The following ZMIZ1 variants were observed in gnomAD, a reference collection of about 807,000 sequenced individuals.
The protein encoded by ZMIZ1 is zinc finger MIZ domain-containing protein 1.
In ZMIZ1, 17 loss-of-function variants were observed where a neutral mutation model predicts 113.9. The ratio of observed to expected loss-of-function variants is 0.15; its 90% CI spans 0.10 to 0.22. The LOEUF is 0.22. Among genes scored for constraint, ZMIZ1 ranks in the 10% least tolerant of loss-of-function variants. The probability of loss-of-function intolerance (pLI) is 1.00; values close to 1 mark genes in which losing one functional copy is unlikely to be tolerated. For synonymous variants in ZMIZ1, 607 were observed against 603.1 expected (o/e 1.01, Z -0.09); for missense variants, 1,059 against 1,477.8 (o/e 0.72, Z 4.65).
chr10:79,312,588 G>A (rs1005248716), intron 24 of ZMIZ1, 54 bp from the exon 25 acceptor site: 13 of 1,597,072 alleles, frequency 8.1e-6, no homozygotes, highest in Admixed American at 6.7e-5. Context: ...TCCTCACCCG[G>A]GGCCTGCCTC....
chr10:79,280,050 G>T (rs551206346), intron 8 of ZMIZ1, among the ~76,000 whole-genome samples: 1 of 151,034 alleles, frequency 6.6e-6, no homozygotes, highest in African/African-American at 2.4e-5. Context: ...GTACAGTGGC[G>T]CAATCTCGGC....
chr10:79,220,227 C>T (rs983901178), intron 7 of ZMIZ1, among the ~76,000 whole-genome samples: 1 of 152,172 alleles, frequency 6.6e-6, no homozygotes, highest in Non-Finnish European at 1.5e-5. Context: ...GAAAGGGGCC[C>T]AGCTAATACC....
intron 3 of ZMIZ1, among the ~76,000 whole-genome samples, chr10:79,154,065 G>A (rs552195209): frequency 6.6e-6 from 1 of 152,350 alleles, no homozygotes; most frequent in East Asian, 1.9e-4. Context: ...CCAATCATGG[G>A]TATGATGTCA....
chr10:79,176,919 G>A (rs1288126847), intron 4 of ZMIZ1, among the ~76,000 whole-genome samples: 2 of 152,258 alleles, frequency 1.3e-5, no homozygotes, highest in Non-Finnish European at 2.9e-5. Context: ...AGGGATTGGA[G>A]TTTGTGGCAA....
intron 2 of ZMIZ1, among the ~76,000 whole-genome samples, chr10:79,134,617 C>G (rs562537772): frequency 1.3e-5 from 2 of 152,246 alleles, no homozygotes; most frequent in Non-Finnish European, 2.9e-5. Context: ...TTCTCCCAAC[C>G]TGGATTGAGA....
chr10:79,085,037 T>C (rs564968808), intron 1 of ZMIZ1, among the ~76,000 whole-genome samples: 1 of 152,248 alleles, frequency 6.6e-6, no homozygotes, highest in African/African-American at 2.4e-5. Context: ...CGCTGCCCGC[T>C]CCGCATTCTG....
intron 3 of ZMIZ1, among the ~76,000 whole-genome samples, chr10:79,161,302 T>C (rs568528364): frequency 6.6e-6 from 1 of 152,286 alleles, no homozygotes; most frequent in South Asian, 2.1e-4. Flanking sequence ...AAACTAGAAC[T>C]AGGGTCACAT....
At chr10:79,311,278 G>C in intron 24 of ZMIZ1, 94 bp downstream of exon 24, 1 of 544,766 alleles carries the variant, frequency 1.8e-6, no homozygotes, top group Non-Finnish European at 2.9e-6. Context: ...TCGAGGCCCC[G>C]AAGGGAGGAG....
At chr10:79,217,466 G>C (rs137870311) in intron 7 of ZMIZ1, among the ~76,000 whole-genome samples, 1 of 152,182 alleles carries the variant, frequency 6.6e-6, no homozygotes, top group South Asian at 2.1e-4. Context: ...ACCTAGCACC[G>C]TGTCTGGATA....
chr10:79,080,300 C>CTT (rs10592440), intron 1 of ZMIZ1, among the ~76,000 whole-genome samples: 199 of 84,974 alleles, frequency 2.3e-3, no homozygotes, highest in Non-Finnish European at 3.1e-3. Context: ...TCGGGTGTGA[C>CTT]TTTTTTTTTT....
chr10:79,123,464 C>T (rs1798329237), intron 2 of ZMIZ1, among the ~76,000 whole-genome samples: 1 of 152,186 alleles, frequency 6.6e-6, no homozygotes, highest in African/African-American at 2.4e-5. Flanking sequence ...CTTTCTGGCA[C>T]TTTCTAGCAT....
At chr10:79,158,768 C>T (rs1845996948) in intron 3 of ZMIZ1, among the ~76,000 whole-genome samples, 1 of 152,188 alleles carries the variant, frequency 6.6e-6, no homozygotes, top group East Asian at 1.9e-4. Flanking sequence ...TGGGGGGAAC[C>T]CCTCTTAGTC....
chr10:79,112,807 C>A (rs112425959), intron 1 of ZMIZ1, among the ~76,000 whole-genome samples: 2 of 152,212 alleles, frequency 1.3e-5, no homozygotes, highest in East Asian at 3.8e-4. Context: ...TCCTTTATAT[C>A]TTTCACAACT....
chr10:79,185,392 T>C (rs940264537), intron 4 of ZMIZ1, among the ~76,000 whole-genome samples: 1 of 152,220 alleles, frequency 6.6e-6, no homozygotes, highest in Non-Finnish European at 1.5e-5. Context: ...AACATTCCAC[T>C]GTAGCACAAG....
chr10:79,247,094 G>T (rs762520835), intron 7 of ZMIZ1, among the ~76,000 whole-genome samples: 1 of 152,196 alleles, frequency 6.6e-6, no homozygotes, highest in Non-Finnish European at 1.5e-5. Context: ...CCTTGCTGCC[G>T]CCTCCAGCTC....
At chr10:79,262,690 C>T (rs1265080295) in intron 7 of ZMIZ1, among the ~76,000 whole-genome samples, 2 of 152,366 alleles carry the variant, frequency 1.3e-5, no homozygotes, top group Middle Eastern at 3.4e-3. Context: ...TCTTGAACGG[C>T]GTGTGCTTGT....
intron 4 of ZMIZ1, among the ~76,000 whole-genome samples, chr10:79,184,848 C>G (rs138532437): frequency 6.6e-6 from 1 of 152,162 alleles, no homozygotes; most frequent in Non-Finnish European, 1.5e-5. Context: ...CATTGCTGCC[C>G]GTCCCCGAGT....
At chr10:79,072,492 G>A (rs1842324464) in intron 1 of ZMIZ1, among the ~76,000 whole-genome samples, 1 of 152,208 alleles carries the variant, frequency 6.6e-6, no homozygotes, top group Non-Finnish European at 1.5e-5. Flanking sequence ...GGCACTTTGA[G>A]GCCTGCTGCA....
At chr10:79,087,802 C>T (rs1589256341) in intron 1 of ZMIZ1, among the ~76,000 whole-genome samples, 1 of 152,322 alleles carries the variant, frequency 6.6e-6, no homozygotes, top group East Asian at 1.9e-4. Context: ...CCTGCAAACT[C>T]TGCCCAAGCC....
Sources: allele counts gnomAD v4.1 joint callset (sites outside exome capture counted in the v4.1 genomes callset), GRCh38; gene constraint gnomAD v4.1.1; transcripts MANE v1.5; gene names NCBI Gene and HGNC (gene_info 2026-07-23, HGNC 2026-07-21).